RBFOX1: variants seen among roughly 807,000 people sequenced by gnomAD.
RBFOX1 encodes RNA binding fox-1 homolog 1.
RBFOX1 carries 8 observed loss-of-function variants against 57.7 expected under a neutral mutation model. The ratio of observed to expected loss-of-function variants is 0.14; its 90% CI spans 0.08 to 0.25. The LOEUF (loss-of-function observed/expected upper bound fraction) is 0.25. RBFOX1 is among the 10% of genes least tolerant of loss of function. The probability of loss-of-function intolerance (pLI) is 1.00; values close to 1 mark genes in which losing one functional copy is unlikely to be tolerated. For missense variants in RBFOX1, 611 were observed against 548.5 expected (o/e 1.11, Z -1.14); for synonymous variants, 326 against 222.4 (o/e 1.47, Z -4.15).
At chr16:7,510,342 T>C in intron 4 of RBFOX1, 1 of 985,610 alleles carries the variant, frequency 1.0e-6, no homozygotes, top group Non-Finnish European at 1.2e-6. Context: ...CATTTAATCT[T>C]TCACTCAAAA....
chr16:6,450,818 CATATATATATAT>C (rs1305191127), intron 2 of RBFOX1, among the ~76,000 whole-genome samples: 1 of 17,706 alleles, frequency 5.6e-5, no homozygotes, highest in African/African-American at 2.1e-4. Flanking sequence ...TATATATATA[CATATATATATAT>C]ATATATGTGT....
intron 4 of RBFOX1, among the ~76,000 whole-genome samples, chr16:7,327,184 A>G (rs899596730): frequency 6.6e-6 from 1 of 152,188 alleles, no homozygotes; most frequent in Non-Finnish European, 1.5e-5. Flanking sequence ...TAGGCCAACA[A>G]GATTGATCTA....
At chr16:5,729,707 G>A (rs573172934) in intron 3 of RBFOX1, among the ~76,000 whole-genome samples, 1 of 152,238 alleles carries the variant, frequency 6.6e-6, no homozygotes, top group South Asian at 2.1e-4. Context: ...TGTCGGAAAG[G>A]CACTTTTATT....
chr16:6,311,832 C>G (rs777303408), intron 1 of RBFOX1, among the ~76,000 whole-genome samples: 9 of 152,148 alleles, frequency 5.9e-5, no homozygotes, highest in Non-Finnish European at 1.3e-4. Context: ...GTCTAGTTCA[C>G]TTCTCCCATC....
intron 3 of RBFOX1, among the ~76,000 whole-genome samples, chr16:6,710,530 G>A (rs767334240): frequency 2.0e-5 from 3 of 152,218 alleles, no homozygotes; most frequent in East Asian, 1.9e-4. Context: ...AACCTCAAAA[G>A]GTGATGGTTA....
intron 2 of RBFOX1, among the ~76,000 whole-genome samples, chr16:6,493,292 G>A (rs890811198): frequency 6.6e-6 from 1 of 152,100 alleles, no homozygotes; most frequent in Non-Finnish European, 1.5e-5. Flanking sequence ...TTGGAATGGG[G>A]TGGTGGGGTG....
chr16:6,984,716 C>T (rs1041067588), intron 3 of RBFOX1, among the ~76,000 whole-genome samples: 14 of 152,152 alleles, frequency 9.2e-5, no homozygotes, highest in African/African-American at 3.4e-4. Context: ...TCTCTTCTCA[C>T]TGCAACCTCT....
chr16:5,478,857 G>C (rs2069422636), intron 2 of RBFOX1, among the ~76,000 whole-genome samples: 1 of 152,154 alleles, frequency 6.6e-6, no homozygotes, highest in Non-Finnish European at 1.5e-5. Context: ...ATATTCCTAA[G>C]CTAAGATCTC....
intron 3 of RBFOX1, among the ~76,000 whole-genome samples, chr16:6,706,026 T>C (rs753634404): frequency 6.6e-6 from 1 of 152,108 alleles, no homozygotes. Context: ...TTAAAATATA[T>C]ACATATATAG....
chr16:5,748,853 G>A (rs1222267632), intron 3 of RBFOX1, among the ~76,000 whole-genome samples: 4 of 152,132 alleles, frequency 2.6e-5, no homozygotes, highest in Non-Finnish European at 5.9e-5. Flanking sequence ...TTTAATTGGA[G>A]CATTTAGCCC....
At chr16:7,476,810 A>T (rs560148814) in intron 4 of RBFOX1, among the ~76,000 whole-genome samples, 4 of 152,216 alleles carry the variant, frequency 2.6e-5, no homozygotes, top group Non-Finnish European at 4.4e-5. Context: ...GCAAAGATGT[A>T]TGAGGCTGCA....
intron 2 of RBFOX1, among the ~76,000 whole-genome samples, chr16:6,484,818 A>T (rs998807212): frequency 6.6e-6 from 1 of 152,298 alleles, no homozygotes; most frequent in East Asian, 1.9e-4. Context: ...TCACTTTCTG[A>T]GTGTCTTCAC....
chr16:7,511,722 G>A (rs1253003939), intron 4 of RBFOX1, among the ~76,000 whole-genome samples: 1 of 152,106 alleles, frequency 6.6e-6, no homozygotes, highest in Non-Finnish European at 1.5e-5. Flanking sequence ...CTTAAGTAAT[G>A]ACAGGTTTCC....
chr16:7,225,674 C>T (rs537646212), intron 4 of RBFOX1, among the ~76,000 whole-genome samples: 73 of 141,628 alleles, frequency 5.2e-4, no homozygotes, highest in Admixed American at 3.7e-3. Flanking sequence ...TTAGGTGGCA[C>T]GGGACAGAAA....
intron 4 of RBFOX1, among the ~76,000 whole-genome samples, chr16:7,295,118 G>A (rs2095864816): frequency 6.6e-6 from 1 of 152,196 alleles, no homozygotes; most frequent in Non-Finnish European, 1.5e-5. Flanking sequence ...GTGAGATACA[G>A]TTGGTGAAGA....
At chr16:6,650,915 T>G (rs2030820413) in intron 2 of RBFOX1, among the ~76,000 whole-genome samples, 1 of 152,138 alleles carries the variant, frequency 6.6e-6, no homozygotes, top group Non-Finnish European at 1.5e-5. Context: ...GGTTGGTTGT[T>G]TTTTGGAAAC....
chr16:5,520,682 T>C (rs760647411), intron 2 of RBFOX1, among the ~76,000 whole-genome samples: 1 of 152,222 alleles, frequency 6.6e-6, no homozygotes, highest in Non-Finnish European at 1.5e-5. Context: ...CTGTATATGC[T>C]CGTCTCACCA....
chr16:6,787,407 C>T (rs1010260408), intron 3 of RBFOX1, among the ~76,000 whole-genome samples: 2 of 152,158 alleles, frequency 1.3e-5, no homozygotes, highest in Non-Finnish European at 2.9e-5. Flanking sequence ...GAAATAGCAA[C>T]AATGCCGTGT....
chr16:7,285,196 A>G (rs568280903), intron 4 of RBFOX1, among the ~76,000 whole-genome samples: 2 of 144,686 alleles, frequency 1.4e-5, no homozygotes, highest in African/African-American at 2.5e-5. Context: ...ATTTTTATTG[A>G]GATAATTGCA....
Sources: gnomAD v4.1 joint callset for allele counts (sites outside exome capture counted in the v4.1 genomes callset) on GRCh38, gnomAD v4.1.1 for gene constraint, MANE v1.5 for transcripts, NCBI Gene and HGNC (gene_info 2026-07-23, HGNC 2026-07-21) for gene names.